The following DCAF6 variants were observed in gnomAD, a reference collection of about 807,000 sequenced individuals.
The protein encoded by DCAF6 is DDB1- and CUL4-associated factor 6.
A neutral mutation model predicts 125.1 loss-of-function variants in DCAF6; 54 were observed. That is an observed-to-expected ratio of 0.43 (90% CI 0.35 to 0.54). The LOEUF (loss-of-function observed/expected upper bound fraction) is 0.54, where lower values mean the gene tolerates loss of function less well. Ranked by LOEUF, DCAF6 falls within the 20% of genes least tolerant of loss-of-function variation. The probability of loss-of-function intolerance (pLI) is 0.01; values close to 1 mark genes in which losing one functional copy is unlikely to be tolerated. For synonymous variants in DCAF6, 371 were observed against 390.4 expected, an observed-to-expected ratio of 0.95 and a Z score of 0.58; for missense variants, 934 against 1,161.7, an observed-to-expected ratio of 0.80 and a Z score of 2.85.
intron 1 of DCAF6, among the ~76,000 whole-genome samples, chr1:167,942,105 G>A (rs896194051): frequency 1.3e-5 from 2 of 151,948 alleles, no homozygotes; most frequent in African/African-American, 4.8e-5. Flanking sequence ...CGCTCTTGTC[G>A]CCCAGGCTGG....
intron 12 of DCAF6, among the ~76,000 whole-genome samples, chr1:168,032,072 G>T (rs1255070282): frequency 2.0e-5 from 3 of 152,180 alleles, no homozygotes; most frequent in Admixed American, 2.0e-4. Context: ...AAGTTCTTGG[G>T]TTAAAATTAT....
At chr1:167,929,430 T>C in the DCAF6 span, among the ~76,000 whole-genome samples, 1 of 152,224 alleles carries the variant, frequency 6.6e-6, no homozygotes, top group Admixed American at 6.5e-5. Flanking sequence ...ATACTGACTA[T>C]AAGTTATTTT....
At chr1:167,945,199 A>T (rs914315448) in intron 1 of DCAF6, among the ~76,000 whole-genome samples, 2 of 152,108 alleles carry the variant, frequency 1.3e-5, no homozygotes, top group African/African-American at 4.8e-5. Context: ...TGCTTTGGCT[A>T]TTGGGGCTTC....
intron 12 of DCAF6, among the ~76,000 whole-genome samples, chr1:168,031,718 A>G (rs1223972373): frequency 6.6e-6 from 1 of 151,992 alleles, no homozygotes; most frequent in Non-Finnish European, 1.5e-5. Context: ...TTTCCAGTAA[A>G]GGAGAATATA....
chr1:168,023,779 G>T (rs920369428), intron 12 of DCAF6: 4 of 152,174 alleles, frequency 2.6e-5, no homozygotes, highest in Non-Finnish European at 5.9e-5. Flanking sequence ...AACTAAAAAG[G>T]CTATTTAGTG....
chr1:167,877,043 A>G, the DCAF6 span, among the ~76,000 whole-genome samples: 114 of 152,164 alleles, frequency 7.5e-4, no homozygotes, highest in Non-Finnish European at 1.4e-3. Context: ...GCCAAGATCA[A>G]TTGAACCCCA....
At chr1:168,031,123 A>G (rs1277856206) in intron 12 of DCAF6, among the ~76,000 whole-genome samples, 1 of 152,160 alleles carries the variant, frequency 6.6e-6, no homozygotes, top group Admixed American at 6.5e-5. Context: ...AATTTGGGAG[A>G]TTTTTGCATA....
At chr1:167,973,953 T>C (rs1677743583) in intron 3 of DCAF6, among the ~76,000 whole-genome samples, 1 of 152,184 alleles carries the variant, frequency 6.6e-6, no homozygotes, top group Admixed American at 6.5e-5. Context: ...TTGTGAGATA[T>C]TGCTAAATTC....
the DCAF6 span, among the ~76,000 whole-genome samples, chr1:167,868,864 A>T: frequency 6.6e-6 from 1 of 152,236 alleles, no homozygotes; most frequent in African/African-American, 2.4e-5. Flanking sequence ...CAACTGAATC[A>T]TACGGTTGCA....
the DCAF6 span, among the ~76,000 whole-genome samples, chr1:167,891,557 G>A: frequency 1.3e-5 from 2 of 151,410 alleles, no homozygotes; most frequent in Non-Finnish European, 1.5e-5. Context: ...TCAGGAGGCT[G>A]AGGCAGGAGA....
the DCAF6 span, among the ~76,000 whole-genome samples, chr1:167,889,960 T>C: frequency 6.6e-6 from 1 of 152,340 alleles, no homozygotes. Flanking sequence ...AGTTTCTAAA[T>C]TCTTTCTCTG....
chr1:168,047,585 G>T (rs867892179), intron 16 of DCAF6, among the ~76,000 whole-genome samples: 1 of 151,954 alleles, frequency 6.6e-6, no homozygotes, highest in African/African-American at 2.4e-5. Context: ...ACAGAAGAAC[G>T]ATAAAATTCT....
chr1:167,995,722 C>T (rs1427776742), intron 7 of DCAF6, among the ~76,000 whole-genome samples: 1 of 150,734 alleles, frequency 6.6e-6, no homozygotes, highest in Non-Finnish European at 1.5e-5. Flanking sequence ...CCAAACAATT[C>T]AGAGGTATAC....
chr1:167,891,905 T>C, the DCAF6 span, among the ~76,000 whole-genome samples: 4 of 152,108 alleles, frequency 2.6e-5, no homozygotes, highest in African/African-American at 9.7e-5. Context: ...CCTGGTTTCA[T>C]GTAATTTTAT....
At position 168,065,440 on chromosome 1, in the gene DCAF6, G is replaced by A. The variant is rs79571613; in HGVS notation, c.2440-150G>A. 1,520 of 673,504 alleles carry A rather than the reference G, an allele frequency of 2.3e-3. 5 individuals carry two copies. Among genetic ancestry groups the A allele is most frequent in the Non-Finnish European group, 2.2e-3 (929 of 416,454 alleles). 41.7% of individuals were successfully genotyped at this position (673,504 alleles called of 1,614,324 possible). On this transcript the variant is annotated intron_variant, in intron 18 of 21. Transcript: ENST00000367840. ...TGGGATTACAGGTGTGAGCCACTGC[G>A]CCCAGCATCAATTTTTAATTTTACT...
chr1:167,904,254 G>A, the DCAF6 span, among the ~76,000 whole-genome samples: 1 of 151,866 alleles, frequency 6.6e-6, no homozygotes, highest in African/African-American at 2.4e-5. Flanking sequence ...TGCCAGGCTC[G>A]TTTTTGTATT....
intron 16 of DCAF6, 137 bp from the exon 17 acceptor site, chr1:168,050,755 C>T (rs964733692): frequency 1.9e-5 from 8 of 426,124 alleles, no homozygotes; most frequent in Non-Finnish European, 3.3e-5. Context: ...TGCTTAATGC[C>T]CGAAGTCACA....
chr1:168,025,897 T>G lies in DCAF6; in HGVS notation c.1609+2850T>G, dbSNP rs1557995076. On this transcript the variant is annotated intron_variant, in intron 12 of 21. Transcript: ENST00000367840. Reference sequence around the variant, plus strand: ...TACAAAACCTACATGACTTGATTTCTGTATCTCTAATCTCGTCTCAGGCCA... The same window carrying G: ...TACAAAACCTACATGACTTGATTTCGGTATCTCTAATCTCGTCTCAGGCCA... Among the ~76,000 whole-genome samples the G allele has an allele frequency of 2.0e-5, 3 of 152,228 alleles. No homozygotes were observed. In the South Asian group the frequency reaches 6.2e-4, roughly 32 times the overall value.
the DCAF6 span, among the ~76,000 whole-genome samples, chr1:167,928,628 T>G: frequency 6.6e-6 from 1 of 152,208 alleles, no homozygotes; most frequent in African/African-American, 2.4e-5. Context: ...ATCACTCAAA[T>G]AGTGACAATA....
Sources: gnomAD v4.1 joint callset for allele counts (sites outside exome capture counted in the v4.1 genomes callset) on GRCh38, gnomAD v4.1.1 for gene constraint, MANE v1.5 for transcripts, NCBI Gene and HGNC (gene_info 2026-07-23, HGNC 2026-07-21) for gene names.